The following ACIN1 variants were observed in gnomAD, a reference collection of about 807,000 sequenced individuals.
ACIN1 encodes apoptotic chromatin condensation inducer in the nucleus.
A neutral mutation model predicts 146.6 loss-of-function variants in ACIN1; 16 were observed. The ratio of observed to expected loss-of-function variants is 0.11; its 90% CI spans 0.07 to 0.17. The LOEUF is 0.17. Among genes scored for constraint, ACIN1 ranks in the 10% least tolerant of loss-of-function variants. The pLI, the probability that ACIN1 is intolerant of heterozygous loss-of-function variation, is 1.00. For missense variants in ACIN1, 1,357 were observed against 1,609.3 expected, an observed-to-expected ratio of 0.84 and a Z score of 2.68; for synonymous variants, 569 against 582.7, an observed-to-expected ratio of 0.98 and a Z score of 0.34.
intron 4 of ACIN1, among the ~76,000 whole-genome samples, chr14:23,082,461 T>TTC (rs1555374129): frequency 4.7e-5 from 7 of 148,130 alleles, no homozygotes; most frequent in Non-Finnish European, 8.9e-5. Context: ...TTTTTTTTTT[T>TTC]CTGAGATGGA....
chr14:23,071,640 C>A, intron 8 of ACIN1: 1 of 1,359,998 alleles, frequency 7.4e-7, no homozygotes. Flanking sequence ...AGGGAGGGAG[C>A]TGAGTGAGCA....
intron 9 of ACIN1, chr14:23,066,233 A>C: frequency 2.1e-6 from 1 of 484,934 alleles, no homozygotes; most frequent in South Asian, 2.7e-5. Flanking sequence ...ATAAAACTAA[A>C]CATCAGAGCA....
chr14:23,059,820 AT>A (rs1222215787), intron 18 of ACIN1, among the ~76,000 whole-genome samples: 15 of 150,186 alleles, frequency 1.0e-4, no homozygotes, highest in African/African-American at 3.5e-4. Flanking sequence ...CGCCCGGCTA[AT>A]TTTTTTGTAT....
intron 10 of ACIN1, among the ~76,000 whole-genome samples, chr14:23,065,092 CTA>C (rs1033118778): frequency 1.3e-4 from 20 of 152,130 alleles, no homozygotes; most frequent in East Asian, 3.8e-4. Flanking sequence ...AACAAGAACA[CTA>C]TGTGATACTA....
chr14:23,077,295 C>T (rs1409811654), intron 8 of ACIN1, among the ~76,000 whole-genome samples: 1 of 152,032 alleles, frequency 6.6e-6, no homozygotes, highest in Non-Finnish European at 1.5e-5. Flanking sequence ...GGCATAAAAA[C>T]AAGTATAGAA....
chr14:23,066,043 A>G (rs1345775630), intron 9 of ACIN1, 35 bp from the exon 10 acceptor site: 3 of 1,588,256 alleles, frequency 1.9e-6, no homozygotes, highest in African/African-American at 1.4e-5. Flanking sequence ...AAAAAAGAGA[A>G]AGAGAGACAC....
chr14:23,071,309 A>T, intron 8 of ACIN1: 4 of 1,505,528 alleles, frequency 2.7e-6, no homozygotes, highest in Non-Finnish European at 3.5e-6. Flanking sequence ...ATCCAGAGAG[A>T]GAAAATTGAG....
chr14:23,074,189 T>C (rs1594764444), intron 8 of ACIN1, among the ~76,000 whole-genome samples: 1 of 151,678 alleles, frequency 6.6e-6, no homozygotes, highest in Non-Finnish European at 1.5e-5. Context: ...TCCTTTACCC[T>C]CTTAAGACAC....
intron 1 of ACIN1, chr14:23,094,612 G>A: frequency 2.3e-6 from 2 of 875,478 alleles, no homozygotes; most frequent in South Asian, 1.1e-4. Context: ...AGCCCAACTC[G>A]CCCCCCTCAG....
chr14:23,079,939 T>C lies in ACIN1; in HGVS notation c.1396A>G (p.Arg466Gly), dbSNP rs1344602147. The C allele has an allele frequency of 6.2e-7, 1 of 1,614,204 alleles. No individual in the cohort carries two copies. Among genetic ancestry groups the C allele is most frequent in the Non-Finnish European group, 8.5e-7 (1 of 1,180,040 alleles). The change falls in exon 6 of 19, where the codon AGA becomes GGA. Residue 466 changes from arginine (R) to glycine (G), a missense_variant. By Grantham distance (125) the Arg-to-Gly change is moderately radical (BLOSUM62 -2). Coordinates refer to ENST00000605057, the MANE Select transcript of ACIN1 (RefSeq NM_001386863.1). ...AQKDLEPESD[R>G]SAQPLPLKIE... is the part of the protein sequence containing the mutation. ...TTTAGAGGGAGGGGCTGAGCAGATC[T>C]GTCTGACTCAGGTTCAAGATCCTTC...
chr14:23,079,791 G>A lies in ACIN1; in HGVS notation c.1544C>T (p.Ser515Leu), dbSNP rs2047895537. 1.2e-6 allele frequency: 2 copies of A among 1,614,220 alleles called. No individual in the cohort carries two copies. Among genetic ancestry groups the A allele is most frequent in the Non-Finnish European group, 1.7e-6 (2 of 1,180,034 alleles). ...TLLPSHRLKQ[S>L]ADSSSSRSSS... Reference sequence around the variant, plus strand: ...GGACCGGCTAGAGGATGAATCAGCTGACTGTTTCAATCTGTGGCTTGGGAG... The same window carrying A: ...GGACCGGCTAGAGGATGAATCAGCTAACTGTTTCAATCTGTGGCTTGGGAG... Residue 515 changes from serine to leucine, a missense_variant, in exon 6 of 19, where the codon TCA becomes TTA. Physicochemically the swap from Ser to Leu is moderately radical, Grantham distance 145. Coordinates refer to ENST00000605057, the MANE Select transcript of ACIN1 (RefSeq NM_001386863.1).
At chr14:23,078,045 GT>G in intron 8 of ACIN1, 105 bp downstream of exon 8, 2 of 992,638 alleles carry the variant, frequency 2.0e-6, no homozygotes, top group Non-Finnish European at 3.0e-6. Context: ...CTGCCTTTAT[GT>G]TTTAAAAGGA....
chr14:23,094,471 T>C (rs2048315041), intron 1 of ACIN1: 1 of 985,120 alleles, frequency 1.0e-6, no homozygotes, highest in Non-Finnish European at 1.2e-6. Flanking sequence ...TCCCTTCAAA[T>C]AAAGGTCTCT....
rs751326963 is a variant in ACIN1 at position 23,080,699 on chromosome 14, C to T, written c.636G>A (p.Glu212=). 1 of 1,613,874 alleles carries T rather than the reference C, an allele frequency of 6.2e-7. No individual in the cohort carries two copies. Among genetic ancestry groups the T allele is most frequent in the Non-Finnish European group, 8.5e-7 (1 of 1,179,974 alleles). ...CCTCCTCCTCCTCCTCTTCTTCCTCCTCTGTTTTCAAATTTCGATCTGCTC... is the reference window on the plus strand; with the variant it reads ...CCTCCTCCTCCTCCTCTTCTTCCTCTTCTGTTTTCAAATTTCGATCTGCTC... ...RVRADRNLKT[E]EEEEEEEEEE... The change falls in exon 6 of 19, where the codon GAG becomes GAA. Residue 212 remains glutamate, a synonymous_variant. Coordinates refer to ENST00000605057, the MANE Select transcript of ACIN1 (RefSeq NM_001386863.1).
At chr14:23,061,665 T>C in intron 16 of ACIN1, 43 bp from the exon 17 acceptor site, 1 of 1,467,850 alleles carries the variant, frequency 6.8e-7, no homozygotes, top group Non-Finnish European at 9.1e-7. Flanking sequence ...ATAGAGGTGA[T>C]ATCACTCCCA....
At chr14:23,061,899 G>A (rs979062656) in intron 16 of ACIN1, among the ~76,000 whole-genome samples, 7 of 150,416 alleles carry the variant, frequency 4.7e-5, no homozygotes, top group African/African-American at 1.7e-4. Context: ...GCGTGAACCC[G>A]GAAGGCGGAG....
chr14:23,072,566 A>C (rs977856116), intron 8 of ACIN1, among the ~76,000 whole-genome samples: 1 of 152,236 alleles, frequency 6.6e-6, no homozygotes, highest in African/African-American at 2.4e-5. Flanking sequence ...AAAAGTGCTC[A>C]GTAGATACTC....
intron 8 of ACIN1, among the ~76,000 whole-genome samples, chr14:23,075,910 A>T (rs1277890424): frequency 6.6e-6 from 1 of 152,192 alleles, no homozygotes; most frequent in Non-Finnish European, 1.5e-5. Flanking sequence ...CATGTTGGTC[A>T]GGCTGGTCTC....
chr14:23,071,747 C>A (rs1196489173), intron 8 of ACIN1: 2 of 566,408 alleles, frequency 3.5e-6, no homozygotes, highest in Non-Finnish European at 6.0e-6. Flanking sequence ...AGGCTTAACC[C>A]CCCAGGGCTG....
Sources: allele counts gnomAD v4.1 joint callset (sites outside exome capture counted in the v4.1 genomes callset), GRCh38; gene constraint gnomAD v4.1.1; transcripts MANE v1.5; gene names NCBI Gene and HGNC (gene_info 2026-07-23, HGNC 2026-07-21).